The following LHPP variants were observed in gnomAD, a reference collection of about 807,000 sequenced individuals.
LHPP encodes hLHPP.
In LHPP, 24 loss-of-function variants were observed where a neutral mutation model predicts 30.3. That is an observed-to-expected ratio of 0.79 (90% confidence interval 0.57 to 1.11). The LOEUF is 1.11. Among genes scored for constraint, LHPP ranks in the 50% most tolerant of loss-of-function variants. The pLI is 0.00. For missense variants in LHPP, 356 were observed against 367.2 expected (o/e 0.97, Z 0.25); for synonymous variants, 150 against 157.1 (o/e 0.95, Z 0.34).
chr10:124,580,508 A>T (rs1361607669), intron 6 of LHPP, among the ~76,000 whole-genome samples: 1 of 152,110 alleles, frequency 6.6e-6, no homozygotes, highest in Non-Finnish European at 1.5e-5. Flanking sequence ...ATCACTTTTG[A>T]GTAGTCCACC....
intron 5 of LHPP, among the ~76,000 whole-genome samples, chr10:124,502,454 T>C (rs1953932417): frequency 6.7e-6 from 1 of 150,342 alleles, no homozygotes; most frequent in Non-Finnish European, 1.5e-5. Context: ...AAGCTCCGCC[T>C]CCTGGGTTCA....
intron 6 of LHPP, among the ~76,000 whole-genome samples, chr10:124,591,081 A>G (rs1220369287): frequency 1.3e-5 from 2 of 152,114 alleles, no homozygotes; most frequent in Non-Finnish European, 2.9e-5. Context: ...TGCAGGAAAT[A>G]AGCCGGGGGG....
rs1328807721 is a variant in LHPP at position 124,472,579 on chromosome 10, G to A, written c.125+10592G>A. ...AACTTACTTTTTTTTTTTTTTTTGA[G>A]ACGCAGTCTCGCTCTGTCACCCAGG... On this transcript the variant is annotated intron_variant, in intron 1 of 6. Transcript: ENST00000368842. Among the ~76,000 whole-genome samples, 7 of 146,328 alleles carry A rather than the reference G, an allele frequency of 4.8e-5. No individual in the cohort carries two copies. The South Asian group carries it at 1.3e-3, about 27-fold the overall frequency.
At chr10:124,568,611 C>A (rs10901763) in intron 6 of LHPP, among the ~76,000 whole-genome samples, 110,047 of 152,078 alleles carry the variant, frequency 0.72, 41,391 homozygotes, top group East Asian at 0.86. Flanking sequence ...GGAGGCTTAC[C>A]GTGCTGGACC....
chr10:124,513,604 A>G (rs923649319), intron 5 of LHPP, among the ~76,000 whole-genome samples: 1 of 149,598 alleles, frequency 6.7e-6, no homozygotes, highest in Non-Finnish European at 1.5e-5. Flanking sequence ...ATCTGGGATT[A>G]CAGGTGCATG....
At chr10:124,559,069 T>C (rs551831259) in intron 6 of LHPP, among the ~76,000 whole-genome samples, 61 of 152,172 alleles carry the variant, frequency 4.0e-4, no homozygotes, top group Non-Finnish European at 7.2e-4. Flanking sequence ...TCTGCAGAGG[T>C]TACCATGCAC....
intron 1 of LHPP, among the ~76,000 whole-genome samples, chr10:124,475,909 G>T (rs1295151491): frequency 6.6e-6 from 1 of 152,158 alleles, no homozygotes; most frequent in South Asian, 2.1e-4. Context: ...CACTCGGGCT[G>T]TGTGGTCTCC....
chr10:124,506,025 C>G (rs1287393422), intron 5 of LHPP, among the ~76,000 whole-genome samples: 1 of 152,134 alleles, frequency 6.6e-6, no homozygotes, highest in Non-Finnish European at 1.5e-5. Context: ...GTGGGTGGAT[C>G]ACGAGCCCAG....
intron 6 of LHPP, among the ~76,000 whole-genome samples, chr10:124,551,278 C>T (rs768237443): frequency 2.0e-5 from 3 of 152,166 alleles, no homozygotes; most frequent in Non-Finnish European, 2.9e-5. Flanking sequence ...CGCTGGGGCA[C>T]GCCCCAGGTC....
intron 3 of LHPP, among the ~76,000 whole-genome samples, chr10:124,491,527 T>C (rs1209230824): frequency 6.6e-6 from 1 of 152,200 alleles, no homozygotes; most frequent in African/African-American, 2.4e-5. Flanking sequence ...CCCCCAGCCA[T>C]TGAGTGCTGA....
intron 6 of LHPP, among the ~76,000 whole-genome samples, chr10:124,542,021 C>T (rs1484747822): frequency 6.6e-6 from 1 of 151,986 alleles, no homozygotes; most frequent in Admixed American, 6.5e-5. Flanking sequence ...AGACACCTCT[C>T]CAGCTGAGGC....
In LHPP at chr10:124,523,441, G is replaced by A. The variant is rs767327644; in HGVS notation, c.716+6170G>A. Among the ~76,000 whole-genome samples, 75 of 152,220 alleles carry A rather than the reference G, an allele frequency of 4.9e-4. No individual in the cohort carries two copies. The highest frequency in any genetic ancestry group is 9.6e-4 in the Non-Finnish European group (65 of 68,040). On this transcript the variant is annotated intron_variant, in intron 6 of 6. Coordinates refer to ENST00000368842, the MANE Select transcript of LHPP (RefSeq NM_022126.4). The surrounding 1 kb of genome is among the most constrained non-coding windows in gnomAD (Gnocchi z 4.2). ...CCCCCACGCCTGGCCTTTGACCTTGGAAGCGGCTGCCGTCAAAGCAGCAGC... is the reference window on the plus strand; with the variant it reads ...CCCCCACGCCTGGCCTTTGACCTTGAAAGCGGCTGCCGTCAAAGCAGCAGC...
chr10:124,539,151 C>T (rs1955112753), intron 6 of LHPP, among the ~76,000 whole-genome samples: 1 of 152,084 alleles, frequency 6.6e-6, no homozygotes, highest in Non-Finnish European at 1.5e-5. Context: ...TCCTGTGGCT[C>T]GTCTGCCATC....
At chr10:124,462,516 G>C (rs1375582218) in intron 1 of LHPP, among the ~76,000 whole-genome samples, 1 of 152,094 alleles carries the variant, frequency 6.6e-6, no homozygotes, top group African/African-American at 2.4e-5. Flanking sequence ...GATCGCTTGA[G>C]CCCAGGAGGT....
intron 6 of LHPP, among the ~76,000 whole-genome samples, chr10:124,543,978 T>C (rs892784333): frequency 6.6e-6 from 1 of 152,264 alleles, no homozygotes; most frequent in African/African-American, 2.4e-5. Context: ...GTTAAGCTCA[T>C]ACCCAGAGTT....
intron 6 of LHPP, among the ~76,000 whole-genome samples, chr10:124,549,700 G>A (rs1955431280): frequency 6.6e-6 from 1 of 152,264 alleles, no homozygotes; most frequent in Non-Finnish European, 1.5e-5. Context: ...TACATCTGGG[G>A]AAGGGGCTGC....
At chr10:124,601,874 G>C (rs1046330907) in intron 6 of LHPP, among the ~76,000 whole-genome samples, 3 of 152,216 alleles carry the variant, frequency 2.0e-5, no homozygotes, top group Non-Finnish European at 4.4e-5. Context: ...CAGGCATCTG[G>C]GTGGCCCCAC....
intron 1 of LHPP, among the ~76,000 whole-genome samples, chr10:124,468,175 T>C (rs1379817054): frequency 2.0e-5 from 3 of 152,150 alleles, no homozygotes; most frequent in Non-Finnish European, 4.4e-5. Flanking sequence ...AGATTCCAGG[T>C]TGTGACATTG....
intron 6 of LHPP, among the ~76,000 whole-genome samples, chr10:124,580,586 A>G (rs1948730472): frequency 6.6e-6 from 1 of 152,224 alleles, no homozygotes; most frequent in Admixed American, 6.5e-5. Flanking sequence ...GTTCCTGTTA[A>G]ATGTATCTTT....
Sources: allele counts gnomAD v4.1 joint callset (sites outside exome capture counted in the v4.1 genomes callset), GRCh38; gene constraint gnomAD v4.1.1; non-coding constraint Gnocchi (gnomAD v3.1); transcripts MANE v1.5; gene names NCBI Gene and HGNC (gene_info 2026-07-23, HGNC 2026-07-21).